Variants in PTPRG observed in about 807,000 individuals in gnomAD.
The protein encoded by PTPRG is protein tyrosine phosphatase receptor type G.
In PTPRG, 102 loss-of-function variants were observed where a neutral mutation model predicts 165.3. The ratio of observed to expected loss-of-function variants is 0.62; its 90% CI spans 0.53 to 0.73. The LOEUF (loss-of-function observed/expected upper bound fraction) is 0.73. Ranked by LOEUF, PTPRG falls within the 30% of genes least tolerant of loss-of-function variation. PTPRG has a pLI of 0.00. For missense variants in PTPRG, 1,866 were observed against 1,861.4 expected (o/e 1.00, Z -0.05); for synonymous variants, 675 against 669.5 (o/e 1.01, Z -0.13).
intron 2 of PTPRG, among the ~76,000 whole-genome samples, chr3:61,799,042 A>T (rs909602581): frequency 2.0e-5 from 3 of 152,018 alleles, no homozygotes; most frequent in Admixed American, 6.6e-5. Flanking sequence ...TTTTTATTTT[A>T]AAATAGTTTT....
intron 2 of PTPRG, among the ~76,000 whole-genome samples, chr3:61,765,015 C>T (rs950401018): frequency 2.6e-5 from 4 of 152,292 alleles, no homozygotes; most frequent in Non-Finnish European, 4.4e-5. Context: ...CCAAGATTGA[C>T]GAACCCTAAA....
At chr3:61,794,268 T>A (rs995109561) in intron 2 of PTPRG, among the ~76,000 whole-genome samples, 2 of 152,186 alleles carry the variant, frequency 1.3e-5, no homozygotes, top group African/African-American at 4.8e-5. Context: ...TTCTTAAGGA[T>A]GTGTTAGAAT....
intron 15 of PTPRG, among the ~76,000 whole-genome samples, chr3:62,248,932 T>TTTAAACATGCAGTTTAAAACCCTTGGGA (rs1701350020): frequency 6.9e-6 from 1 of 145,850 alleles, no homozygotes; most frequent in Non-Finnish European, 1.5e-5. Context: ...ATAAAGGGGT[T>TTTAAACATGCAGTTTAAAACCCTTGGGA]TTAAACATGC....
chr3:61,869,187 A>T (rs1397232809), intron 2 of PTPRG, among the ~76,000 whole-genome samples: 2 of 152,340 alleles, frequency 1.3e-5, no homozygotes, highest in African/African-American at 2.4e-5. Context: ...AGGGAGCAGC[A>T]TCCAGTTCCC....
intron 2 of PTPRG, among the ~76,000 whole-genome samples, chr3:61,950,730 T>C (rs1486507342): frequency 1.3e-5 from 2 of 152,244 alleles, no homozygotes; most frequent in African/African-American, 2.4e-5. Flanking sequence ...CGACCCCCTT[T>C]AGTATTTTAC....
At chr3:62,249,716 A>G (rs151324382) in intron 15 of PTPRG, among the ~76,000 whole-genome samples, 16 of 152,284 alleles carry the variant, frequency 1.1e-4, no homozygotes, top group East Asian at 7.7e-4. Context: ...GCCATTAACA[A>G]TTTATCTACC....
intron 2 of PTPRG, among the ~76,000 whole-genome samples, chr3:61,859,989 C>T (rs984719495): frequency 8.5e-5 from 13 of 152,058 alleles, no homozygotes; most frequent in Non-Finnish European, 1.5e-5. Context: ...TTATTGTGAT[C>T]AATAGAATAT....
intron 2 of PTPRG, among the ~76,000 whole-genome samples, chr3:61,799,911 T>C (rs1425183185): frequency 6.6e-6 from 1 of 152,202 alleles, no homozygotes; most frequent in Non-Finnish European, 1.5e-5. Flanking sequence ...ATTTGGAAGA[T>C]GCTGTACTAT....
At chr3:61,782,377 A>G (rs1257672683) in intron 2 of PTPRG, among the ~76,000 whole-genome samples, 1 of 152,224 alleles carries the variant, frequency 6.6e-6, no homozygotes, top group Admixed American at 6.5e-5. Flanking sequence ...AGATGAAGAC[A>G]ATGCTTTATT....
At chr3:61,654,689 A>C (rs143646253) in intron 1 of PTPRG, among the ~76,000 whole-genome samples, 98 of 149,678 alleles carry the variant, frequency 6.5e-4, no homozygotes, top group African/African-American at 2.3e-3. Context: ...CCTGGCCTAT[A>C]ATATAATTCT....
chr3:62,143,572 A>AT (rs1409159539), intron 6 of PTPRG, among the ~76,000 whole-genome samples: 2 of 145,098 alleles, frequency 1.4e-5, no homozygotes, highest in Admixed American at 6.8e-5. Flanking sequence ...TTTTTTTTTA[A>AT]TTTTTTTGCC....
rs200577266 is a variant in PTPRG, at chr3:62,262,928, G to A, written c.2656+34G>A. 50 of 1,499,166 alleles carry A rather than the reference G, an allele frequency of 3.3e-5. No individual in the cohort carries two copies. The East Asian group carries it at 5.5e-4, about 16-fold the overall frequency. 92.9% of individuals were successfully genotyped at this position (1,499,166 alleles called of 1,614,324 possible). ...TAAGCTTTAAACTACCTTCAACTGC[G>A]AGGAAATTAAATTTTCATGCTGGGT... On this transcript the variant is annotated intron_variant, in intron 17 of 29. Coordinates refer to ENST00000474889, the MANE Select transcript of PTPRG (RefSeq NM_002841.4).
intron 1 of PTPRG, among the ~76,000 whole-genome samples, chr3:61,683,093 A>G (rs1468531663): frequency 6.6e-6 from 1 of 152,210 alleles, no homozygotes; most frequent in Non-Finnish European, 1.5e-5. Flanking sequence ...GACTAATTAC[A>G]GGGATGTCAC....
intron 2 of PTPRG, among the ~76,000 whole-genome samples, chr3:61,979,040 A>G (rs1433254067): frequency 6.6e-6 from 1 of 152,232 alleles, no homozygotes; most frequent in African/African-American, 2.4e-5. Flanking sequence ...AGGATCGAAG[A>G]AGATAAAATG....
At chr3:61,619,172 A>G (rs1368471546) in intron 1 of PTPRG, among the ~76,000 whole-genome samples, 1 of 151,956 alleles carries the variant, frequency 6.6e-6, no homozygotes, top group Admixed American at 6.6e-5. Context: ...TTAAAAAAAG[A>G]AAAGGTACCT....
At chr3:61,847,741 A>T (rs183139918) in intron 2 of PTPRG, among the ~76,000 whole-genome samples, 1 of 152,214 alleles carries the variant, frequency 6.6e-6, no homozygotes, top group Non-Finnish European at 1.5e-5. Flanking sequence ...CAAATAAATG[A>T]TCTTTGAAAA....
intron 1 of PTPRG, among the ~76,000 whole-genome samples, chr3:61,673,066 G>A (rs1431107921): frequency 6.6e-6 from 1 of 152,114 alleles, no homozygotes; most frequent in African/African-American, 2.4e-5. Flanking sequence ...AGACTGAGGT[G>A]GAGTGTATCA....
At position 61,658,422 on chromosome 3, in the gene PTPRG, C is replaced by T. The variant is rs1368519952; in HGVS notation, c.86-90456C>T. Among the ~76,000 whole-genome samples the T allele has an allele frequency of 7.9e-5, 12 of 152,302 alleles. No individual in the cohort carries two copies. The East Asian group carries it at 2.3e-3, about 29-fold the overall frequency. On this transcript the variant is annotated intron_variant, in intron 1 of 29. Transcript: ENST00000474889. Reference sequence around the variant, plus strand: ...GGTTGGTCCCATAGCCAGATAGCTACAGGTTCAGGTACCAGCTCTGCCCTC... The same window carrying T: ...GGTTGGTCCCATAGCCAGATAGCTATAGGTTCAGGTACCAGCTCTGCCCTC...
intron 1 of PTPRG, among the ~76,000 whole-genome samples, chr3:61,697,540 A>T (rs2030677988): frequency 6.6e-6 from 1 of 152,230 alleles, no homozygotes; most frequent in Admixed American, 6.5e-5. Context: ...CATGTTTTTC[A>T]TCTTTTCTTC....
Sources: gnomAD v4.1 joint callset for allele counts (sites outside exome capture counted in the v4.1 genomes callset) on GRCh38, gnomAD v4.1.1 for gene constraint, MANE v1.5 for transcripts, NCBI Gene and HGNC (gene_info 2026-07-23, HGNC 2026-07-21) for gene names.